The following BRMS1L variants were observed in gnomAD, a reference collection of about 807,000 sequenced individuals.
BRMS1L encodes the protein breast cancer metastasis-suppressor 1-like protein.
In BRMS1L, 23 loss-of-function variants were observed where a neutral mutation model predicts 50.3. That is an observed-to-expected ratio of 0.46 (90% confidence interval 0.33 to 0.65). BRMS1L has a LOEUF of 0.65. BRMS1L is among the 30% of genes least tolerant of loss of function. BRMS1L has a pLI of 0.02. For synonymous variants in BRMS1L, 114 were observed against 126.9 expected (o/e 0.90, Z 0.69); for missense variants, 286 against 386.1 (o/e 0.74, Z 2.17).
intron 3 of BRMS1L, among the ~76,000 whole-genome samples, chr14:35,833,483 A>AT (rs941016122): frequency 6.6e-6 from 1 of 151,990 alleles, no homozygotes; most frequent in African/African-American, 2.4e-5. Context: ...AAGTGATAGG[A>AT]TTTTTTTTAA....
In BRMS1L at chr14:35,850,753, G is replaced by A. The variant is rs116813111; in HGVS notation, c.442-11837G>A. 4.8e-3 allele frequency among the ~76,000 whole-genome samples: 732 copies of A among 152,202 alleles called. 7 individuals carry two copies. The highest frequency in any genetic ancestry group is 0.016 in the African/African-American group (678 of 41,520). ...TAATCTGCTTTGATTTTATTTTTGT[G>A]TGTGTTGTACAATAAGGGTCCAGTT... On this transcript the variant is annotated intron_variant, in intron 4 of 9. Transcript: ENST00000216807.
At chr14:35,832,111 T>G (rs890979650) in intron 2 of BRMS1L, among the ~76,000 whole-genome samples, 2 of 152,164 alleles carry the variant, frequency 1.3e-5, no homozygotes, top group Non-Finnish European at 2.9e-5. Flanking sequence ...AATTTTGTTA[T>G]GGCTTCTTCA....
chr14:35,836,535 T>A (rs1444086343), intron 4 of BRMS1L, among the ~76,000 whole-genome samples: 1 of 152,078 alleles, frequency 6.6e-6, no homozygotes, highest in Non-Finnish European at 1.5e-5. Context: ...AGAGAAGCGG[T>A]TCCACTATGT....
chr14:35,833,330 T>C (rs562396032), intron 3 of BRMS1L, among the ~76,000 whole-genome samples: 2 of 152,052 alleles, frequency 1.3e-5, no homozygotes, highest in South Asian at 4.2e-4. Flanking sequence ...TCAAGTTGTT[T>C]ACAGTGTTGT....
chr14:35,848,668 G>T (rs577065574), intron 4 of BRMS1L, among the ~76,000 whole-genome samples: 95 of 152,014 alleles, frequency 6.2e-4, no homozygotes, highest in Admixed American at 1.9e-3. Context: ...TCTTCTATGA[G>T]TTTGATTTTT....
chr14:35,841,577 G>A (rs989247532), intron 4 of BRMS1L, among the ~76,000 whole-genome samples: 6 of 152,148 alleles, frequency 3.9e-5, no homozygotes, highest in Admixed American at 1.3e-4. Context: ...GATTACAGGC[G>A]TAAGCCACCG....
chr14:35,829,836 G>A, intron 1 of BRMS1L: 1 of 1,258,692 alleles, frequency 7.9e-7, no homozygotes, highest in Non-Finnish European at 1.0e-6. Context: ...AGATCATTTT[G>A]TGCTTCAGTT....
chr14:35,832,613 T>C (rs2077937433), intron 2 of BRMS1L, among the ~76,000 whole-genome samples: 1 of 152,244 alleles, frequency 6.6e-6, no homozygotes, highest in Admixed American at 6.5e-5. Context: ...GTAATGTCTA[T>C]TCAAAATGAT....
chr14:35,863,967 A>G lies in BRMS1L; in HGVS notation c.622+14A>G, dbSNP rs751557796. On this transcript the variant is annotated intron_variant, in intron 6 of 9. Transcript: ENST00000216807. ...TTGTTGTTTCAGATATCCTTTTCCA[A>G]ATTTTCTGTTTTTTTTTCCTTGATG... 6 of 1,610,402 alleles carry G rather than the reference A, an allele frequency of 3.7e-6. No individual in the cohort carries two copies. The highest frequency in any genetic ancestry group is 5.1e-6 in the Non-Finnish European group (6 of 1,178,168).
intron 9 of BRMS1L, among the ~76,000 whole-genome samples, chr14:35,868,841 AG>A (rs1260971450): frequency 1.3e-5 from 2 of 152,210 alleles, no homozygotes; most frequent in African/African-American, 2.4e-5. Context: ...GCCTTTTAAA[AG>A]TCCTAGTAAT....
chr14:35,864,408 C>T (rs561328251), intron 6 of BRMS1L, among the ~76,000 whole-genome samples: 4 of 152,084 alleles, frequency 2.6e-5, no homozygotes, highest in East Asian at 1.9e-4. Context: ...ACTACAGGCA[C>T]GTGCCACTCG....
At chr14:35,857,522 A>G (rs977696191) in intron 4 of BRMS1L, among the ~76,000 whole-genome samples, 11 of 151,846 alleles carry the variant, frequency 7.2e-5, no homozygotes, top group South Asian at 4.2e-4. Flanking sequence ...GGGTCTTGCT[A>G]TATTGCCCAG....
At chr14:35,866,569 G>A (rs1036833145) in intron 8 of BRMS1L, among the ~76,000 whole-genome samples, 3 of 152,104 alleles carry the variant, frequency 2.0e-5, no homozygotes, top group African/African-American at 7.2e-5. Context: ...GCCAGGCTTG[G>A]CGGTGTGTAC....
chr14:35,865,915 C>T (rs2078415273), intron 8 of BRMS1L, 154 bp downstream of exon 8: 4 of 676,038 alleles, frequency 5.9e-6, no homozygotes, highest in Middle Eastern at 2.6e-4. Flanking sequence ...GGAGTCATTG[C>T]TTCACGTAAA....
intron 5 of BRMS1L, among the ~76,000 whole-genome samples, chr14:35,862,931 C>G (rs191219103): frequency 1.3e-5 from 2 of 152,148 alleles, no homozygotes; most frequent in East Asian, 3.9e-4. Context: ...TGACAGGAAC[C>G]TACTGGCAGA....
At chr14:35,855,237 G>T (rs1156264420) in intron 4 of BRMS1L, among the ~76,000 whole-genome samples, 2 of 152,074 alleles carry the variant, frequency 1.3e-5, no homozygotes, top group African/African-American at 4.8e-5. Flanking sequence ...TTGATTTTGG[G>T]TCCTTGGGGA....
intron 9 of BRMS1L, among the ~76,000 whole-genome samples, chr14:35,869,937 T>TA (rs972807385): frequency 6.6e-6 from 1 of 151,818 alleles, no homozygotes; most frequent in Non-Finnish European, 1.5e-5. Context: ...ATTAGTAGTG[T>TA]AAAAAAAATT....
chr14:35,829,687 A>G, intron 1 of BRMS1L: 1 of 418,776 alleles, frequency 2.4e-6, no homozygotes, highest in Non-Finnish European at 3.9e-6. Flanking sequence ...GAAGTAAGCA[A>G]TCAAAAGCCA....
In BRMS1L at chr14:35,833,031, C is replaced by G; in HGVS notation, c.287C>G (p.Ala96Gly). ...QVDAKLQEVIAGKAPEYLEPL... is the reference protein window; with the variant it reads ...QVDAKLQEVIGGKAPEYLEPL... ...GATGCAAAACTACAAGAAGTCATAG[C>G]TGGAAAAGCACCAGAATACTTGGAA... is the stretch of plus-strand genomic sequence containing the variant. Residue 96 changes from alanine to glycine, a missense_variant, in exon 3 of 10, where the codon GCT (alanine) becomes GGT (glycine). Ala to Gly is a moderately conservative substitution (Grantham distance 60, BLOSUM62 0). Coordinates refer to ENST00000216807, the MANE Select transcript of BRMS1L (RefSeq NM_032352.4). 1 of 1,613,264 alleles carries G rather than the reference C, an allele frequency of 6.2e-7. No homozygotes were observed. Among genetic ancestry groups the G allele is most frequent in the Non-Finnish European group, 8.5e-7 (1 of 1,179,516 alleles).
Sources: allele counts gnomAD v4.1 joint callset (sites outside exome capture counted in the v4.1 genomes callset), GRCh38; gene constraint gnomAD v4.1.1; transcripts MANE v1.5; gene names NCBI Gene and HGNC (gene_info 2026-07-23, HGNC 2026-07-21).